SLC38A9: variants seen among roughly 807,000 people sequenced by gnomAD.
The protein encoded by SLC38A9 is neutral amino acid transporter 9.
A neutral mutation model predicts 62.3 loss-of-function variants in SLC38A9; 48 were observed. The observed-to-expected ratio is 0.77, with a 90% CI of 0.61 to 0.98. The LOEUF (loss-of-function observed/expected upper bound fraction) is 0.98, where lower values mean the gene tolerates loss of function less well. Among genes scored for constraint, SLC38A9 ranks in the 50% least tolerant of loss-of-function variants. The pLI is 0.00. For synonymous variants in SLC38A9, 204 were observed against 227.7 expected (o/e 0.90, Z 0.94); for missense variants, 541 against 679.8 (o/e 0.80, Z 2.27).
At chr5:55,691,311 A>T (rs1754706195) in intron 3 of SLC38A9, 1 of 1,498,594 alleles carries the variant, frequency 6.7e-7, no homozygotes, top group Non-Finnish European at 8.9e-7. Context: ...AATAGGACAG[A>T]TAAGTACTGG....
rs1742500356 is a variant in SLC38A9 at position 55,626,710 on chromosome 5, T to TA, written c.1521-52dup. 26 of 1,506,830 alleles carry TA rather than the reference T, an allele frequency of 1.7e-5. No homozygotes were observed. In the East Asian group the frequency reaches 5.9e-4, roughly 34 times the overall value. The allele number at this position is 1,506,830 out of a possible 1,614,324, so 93.3% of individuals were successfully genotyped here. On this transcript the variant is annotated intron_variant, in intron 15 of 15. Transcript: ENST00000396865. ...AATATTCATCTTGCACTTTGCTTTT[T>TA]ACAATTAAGGTAAACATAGTACAAT...
At chr5:55,633,044 T>A (rs184860850) in intron 14 of SLC38A9, among the ~76,000 whole-genome samples, 2 of 152,134 alleles carry the variant, frequency 1.3e-5, no homozygotes, top group Non-Finnish European at 2.9e-5. Flanking sequence ...GGTCTCACTG[T>A]ATCACCCAGA....
In SLC38A9 at chr5:55,664,735, G is replaced by A; in HGVS notation, c.655C>T (p.Leu219Phe). 2 of 1,568,090 alleles carry A rather than the reference G, an allele frequency of 1.3e-6. No homozygotes were observed. Among genetic ancestry groups the A allele is most frequent in the South Asian group, 1.2e-5 (1 of 81,760 alleles). The part of the protein sequence containing the change: ...LIGAMIVYWV[L>F]MSNFLFNTGK... ...GTATTAAAAAGAAAATTTGACATAA[G>A]CACCCAATAAACTATCATTGCTCCA... is the stretch of plus-strand genomic sequence containing the variant. Residue 219 changes from leucine (L) to phenylalanine (F), a missense_variant, in exon 8 of 16, where the codon CTT becomes TTT. Transcript: ENST00000396865.
At chr5:55,704,823 T>C (rs995475358) in intron 2 of SLC38A9, among the ~76,000 whole-genome samples, 1 of 152,214 alleles carries the variant, frequency 6.6e-6, no homozygotes, top group African/African-American at 2.4e-5. Flanking sequence ...TGGATGTGAA[T>C]CTTGGTTCTG....
At chr5:55,645,975 A>C in intron 11 of SLC38A9, 80 bp from the exon 12 acceptor site, 1 of 839,118 alleles carries the variant, frequency 1.2e-6, no homozygotes, top group Middle Eastern at 2.3e-4. Context: ...GACTACTAAA[A>C]ATCAGTTGTC....
intron 12 of SLC38A9, among the ~76,000 whole-genome samples, chr5:55,639,915 T>C (rs1192477088): frequency 2.0e-5 from 3 of 149,628 alleles, no homozygotes; most frequent in Non-Finnish European, 4.4e-5. Flanking sequence ...TTTTGAAAGG[T>C]AGACCATCAC....
intron 3 of SLC38A9, among the ~76,000 whole-genome samples, chr5:55,685,737 A>C (rs1206564975): frequency 6.6e-6 from 1 of 152,098 alleles, no homozygotes; most frequent in Non-Finnish European, 1.5e-5. Flanking sequence ...CCAGGCATTA[A>C]GCCTAGTATC....
At chr5:55,668,341 TCTC>T (rs1750797901) in intron 7 of SLC38A9, among the ~76,000 whole-genome samples, 1 of 152,232 alleles carries the variant, frequency 6.6e-6, no homozygotes, top group African/African-American at 2.4e-5. Context: ...GCTAAAATTA[TCTC>T]CTCTTACCAT....
At chr5:55,662,900 T>G (rs1189908766) in intron 8 of SLC38A9, among the ~76,000 whole-genome samples, 1 of 149,654 alleles carries the variant, frequency 6.7e-6, no homozygotes, top group Non-Finnish European at 1.5e-5. Context: ...TATAATTCTT[T>G]TTTTTTTTTT....
At chr5:55,663,791 T>G (rs59070078) in intron 8 of SLC38A9, among the ~76,000 whole-genome samples, 3,263 of 152,292 alleles carry the variant, frequency 0.021, 110 homozygotes, top group African/African-American at 0.074. Flanking sequence ...GCTAATTTTA[T>G]TCTTTAATGT....
intron 10 of SLC38A9, among the ~76,000 whole-genome samples, chr5:55,651,655 A>G (rs1210650536): frequency 6.6e-6 from 1 of 152,184 alleles, no homozygotes; most frequent in East Asian, 1.9e-4. Flanking sequence ...GTTCTAAGAA[A>G]AAAAAGCACT....
chr5:55,628,199 G>A (rs1472629308), intron 14 of SLC38A9, among the ~76,000 whole-genome samples: 1 of 152,070 alleles, frequency 6.6e-6, no homozygotes, highest in African/African-American at 2.4e-5. Flanking sequence ...GTTAAATTTT[G>A]TAGAAGTACA....
intron 10 of SLC38A9, among the ~76,000 whole-genome samples, chr5:55,650,814 G>A (rs1747251510): frequency 6.6e-6 from 1 of 152,192 alleles, no homozygotes; most frequent in Non-Finnish European, 1.5e-5. Flanking sequence ...TGTTGAGACA[G>A]AGTTTTCGCT....
At chr5:55,638,624 G>A (rs908858612) in intron 12 of SLC38A9, among the ~76,000 whole-genome samples, 18 of 152,090 alleles carry the variant, frequency 1.2e-4, no homozygotes, top group African/African-American at 3.6e-4. Flanking sequence ...TTTGTTCCAC[G>A]TACCGTTCAT....
At chr5:55,670,555 A>T (rs1751142940) in intron 4 of SLC38A9, among the ~76,000 whole-genome samples, 1 of 152,238 alleles carries the variant, frequency 6.6e-6, no homozygotes, top group African/African-American at 2.4e-5. Context: ...GTATACACAC[A>T]TTCATTAAGA....
At chr5:55,635,505 G>T in intron 13 of SLC38A9, 39 bp downstream of exon 13, 1 of 1,390,390 alleles carries the variant, frequency 7.2e-7, no homozygotes, top group Non-Finnish European at 1.0e-6. Context: ...ATACATGAAA[G>T]TGTACACAAT....
In SLC38A9 at chr5:55,656,758, A is replaced by G. The variant is rs192772333; in HGVS notation, c.714T>C (p.Ile238=). The change falls in exon 9 of 16, where the codon ATT becomes ATC. Residue 238 remains isoleucine, a synonymous_variant. Transcript: ENST00000396865. ...GKFIFNFIHH[I]NDTDTILSTN... Reference sequence around the variant, plus strand: ...TACTCAGTATAGTGTCTGTGTCATTAATGTGATGAATAAAATCTAAAAATA... The same window carrying G: ...TACTCAGTATAGTGTCTGTGTCATTGATGTGATGAATAAAATCTAAAAATA... 13 of 1,569,378 alleles carry G rather than the reference A, an allele frequency of 8.3e-6. No homozygotes were observed. The African/African-American group carries it at 1.2e-4, about 15-fold the overall frequency.
chr5:55,664,060 A>G (rs927169579), intron 8 of SLC38A9, among the ~76,000 whole-genome samples: 8 of 152,064 alleles, frequency 5.3e-5, no homozygotes, highest in African/African-American at 1.9e-4. Context: ...TGTAACCAGG[A>G]GGCTGAGGTG....
chr5:55,653,048 C>A (rs948132179), intron 9 of SLC38A9, among the ~76,000 whole-genome samples: 6 of 152,130 alleles, frequency 3.9e-5, no homozygotes, highest in Non-Finnish European at 8.8e-5. Context: ...CTCACTGCAA[C>A]CTCCGCCTCC....
Sources: allele counts gnomAD v4.1 joint callset (sites outside exome capture counted in the v4.1 genomes callset), GRCh38; gene constraint gnomAD v4.1.1; transcripts MANE v1.5; gene names NCBI Gene and HGNC (gene_info 2026-07-23, HGNC 2026-07-21).